The following USP37 variants were observed in gnomAD, a reference collection of about 807,000 sequenced individuals.
The protein encoded by USP37 is ubiquitin carboxyl-terminal hydrolase 37.
A neutral mutation model predicts 124.0 loss-of-function variants in USP37; 27 were observed. The ratio of observed to expected loss-of-function variants is 0.22; its 90% CI spans 0.16 to 0.30. The LOEUF is 0.30. Ranked by LOEUF, USP37 falls within the 10% of genes least tolerant of loss-of-function variation. USP37 has a pLI of 1.00. For missense variants in USP37, 889 were observed against 1,140.4 expected, an observed-to-expected ratio of 0.78 and a Z score of 3.17; for synonymous variants, 365 against 388.0, an observed-to-expected ratio of 0.94 and a Z score of 0.70.
At chr2:218,550,056 A>G in intron 5 of USP37, 147 bp from the exon 6 acceptor site, 2 of 539,964 alleles carry the variant, frequency 3.7e-6, no homozygotes. Flanking sequence ...CTATCAACCA[A>G]TTCTTTCTGA....
chr2:218,521,701 A>T (rs1047508030), intron 10 of USP37, among the ~76,000 whole-genome samples: 1 of 151,906 alleles, frequency 6.6e-6, no homozygotes, highest in African/African-American at 2.4e-5. Context: ...ATATTTGTTC[A>T]TTTTTTCCCC....
At chr2:218,466,990 CA>C (rs1276001610) in intron 20 of USP37, among the ~76,000 whole-genome samples, 1 of 152,126 alleles carries the variant, frequency 6.6e-6, no homozygotes, top group African/African-American at 2.4e-5. Flanking sequence ...CTTGGGCTCC[CA>C]AAATGCTGAG....
chr2:218,537,265 A>G (rs1691706029), intron 8 of USP37, among the ~76,000 whole-genome samples: 1 of 152,248 alleles, frequency 6.6e-6, no homozygotes, highest in Non-Finnish European at 1.5e-5. Flanking sequence ...ACAATGTGAC[A>G]GAAGTTAACA....
intron 17 of USP37, among the ~76,000 whole-genome samples, chr2:218,480,708 G>T (rs1191860886): frequency 6.6e-5 from 10 of 152,212 alleles, no homozygotes; most frequent in Non-Finnish European, 1.2e-4. Context: ...AGGAATCTGT[G>T]CAAGGTCTAA....
At chr2:218,502,214 A>G (rs1689426775) in intron 11 of USP37, among the ~76,000 whole-genome samples, 1 of 152,166 alleles carries the variant, frequency 6.6e-6, no homozygotes, top group African/African-American at 2.4e-5. Flanking sequence ...ACTACTTAAA[A>G]TATGCTCTAC....
chr2:218,457,856 C>T (rs1217407259), intron 23 of USP37, among the ~76,000 whole-genome samples: 3 of 151,394 alleles, frequency 2.0e-5, no homozygotes, highest in South Asian at 4.2e-4. Flanking sequence ...GACCATCCTG[C>T]CTAACACAGT....
intron 22 of USP37, among the ~76,000 whole-genome samples, chr2:218,462,147 A>C (rs138832129): frequency 0.026 from 3,988 of 152,140 alleles, 86 homozygotes; most frequent in Non-Finnish European, 0.038. Context: ...ACAAGAGTGA[A>C]ACTCTGTCTC....
intron 15 of USP37, chr2:218,486,325 T>A (rs1184231969): frequency 1.3e-5 from 2 of 152,252 alleles, no homozygotes; most frequent in Non-Finnish European, 2.9e-5. Context: ...AAGTCTATGA[T>A]AATAACAAGA....
intron 10 of USP37, 151 bp from the exon 11 acceptor site, chr2:218,510,291 C>T (rs1689903464): frequency 1.2e-6 from 1 of 827,254 alleles, no homozygotes; most frequent in Non-Finnish European, 1.8e-6. Flanking sequence ...GAAAACTCTA[C>T]AAACGTAAAT....
rs182183587 is a variant in USP37 at position 218,452,519 on chromosome 2, C to A, written c.*2411G>T. The A allele has an allele frequency of 6.6e-6, 1 of 152,088 alleles. No individual in the cohort carries two copies. Among genetic ancestry groups the A allele is most frequent in the Non-Finnish European group, 1.5e-5 (1 of 68,020 alleles). The allele number at this position is 152,088 out of a possible 1,614,324, so 9.4% of individuals were successfully genotyped here. On this transcript the variant is annotated 3_prime_UTR_variant, in exon 26 of 26. Coordinates refer to ENST00000258399, the MANE Select transcript of USP37 (RefSeq NM_020935.3). ...AGGAAGGAGAAGGCTGATAGGGCCA[C>A]AAGAATGGACAGACATCAAGTAAAA...
At chr2:218,565,081 C>A (rs1485583847) in intron 1 of USP37, among the ~76,000 whole-genome samples, 3 of 152,108 alleles carry the variant, frequency 2.0e-5, no homozygotes, top group African/African-American at 4.8e-5. Context: ...GCCACCAAAC[C>A]CGGCTAATTT....
Position 218,482,128 on chromosome 2 carries a change from GA to G in USP37, c.1776del (p.His593IlefsTer24). On this transcript the variant is annotated frameshift_variant, in exon 17 of 26. Transcript: ENST00000258399. LOFTEE classifies it high-confidence loss of function. The part of the protein sequence containing the change: ...VIIPRYLTLS[S>X]HCTENTKPPF... Reference sequence around the variant, plus strand: ...GGTGGTTTTGTATTTTCAGTGCAATGAGATGACAGGGTCAGGTATCTTGGAA... The same window carrying G: ...GGTGGTTTTGTATTTTCAGTGCAATGGATGACAGGGTCAGGTATCTTGGAA... 6.2e-7 allele frequency: 1 copy of G among 1,613,766 alleles called. No individual in the cohort carries two copies. The highest frequency in any genetic ancestry group is 2.2e-5 in the East Asian group (1 of 44,866).
At chr2:218,553,297 T>A (rs1012828683) in intron 5 of USP37, among the ~76,000 whole-genome samples, 1 of 152,218 alleles carries the variant, frequency 6.6e-6, no homozygotes, top group Admixed American at 6.5e-5. Context: ...TGAAAGAGTG[T>A]TGGATTTTGT....
intron 10 of USP37, among the ~76,000 whole-genome samples, chr2:218,512,718 T>G (rs1314604204): frequency 1.3e-5 from 2 of 152,190 alleles, no homozygotes; most frequent in Non-Finnish European, 2.9e-5. Flanking sequence ...ATCTAAAAGT[T>G]TTATCCCTTA....
intron 15 of USP37, 39 bp downstream of exon 15, chr2:218,488,265 A>G: frequency 7.5e-7 from 1 of 1,340,646 alleles, no homozygotes; most frequent in Non-Finnish European, 1.0e-6. Flanking sequence ...TCAATGATAT[A>G]AAATTTAGTT....
rs757109439 is a variant in USP37 at position 218,495,792 on chromosome 2, C to T, written c.1440G>A (p.Glu480=). 4 of 1,613,020 alleles carry T rather than the reference C, an allele frequency of 2.5e-6. No individual in the cohort carries two copies. In the South Asian group the frequency reaches 4.4e-5, roughly 18 times the overall value. The change falls in exon 14 of 26, where the codon GAG becomes GAA. Residue 480 remains glutamate (E), a synonymous_variant. Coordinates refer to ENST00000258399, the MANE Select transcript of USP37 (RefSeq NM_020935.3). Reference sequence around the variant, plus strand: ...AAATGATGGAGTGCTGAACCTCAAACTCCAAATTAGTAATAACAGGGCAAG... The same window carrying T: ...AAATGATGGAGTGCTGAACCTCAAATTCCAAATTAGTAATAACAGGGCAAG... ...AYTCPVITNL[E]FEVQHSIICK... is the part of the protein sequence containing the mutation.
At chr2:218,541,449 G>A (rs1484129481) in intron 8 of USP37, among the ~76,000 whole-genome samples, 2 of 152,130 alleles carry the variant, frequency 1.3e-5, no homozygotes, top group Admixed American at 6.5e-5. Context: ...TCAGTGATAA[G>A]CATAGCTCTC....
intron 20 of USP37, among the ~76,000 whole-genome samples, chr2:218,469,851 T>G (rs2106414623): frequency 7.2e-6 from 1 of 138,418 alleles, no homozygotes; most frequent in African/African-American, 2.7e-5. Flanking sequence ...GACAGAGTCT[T>G]GCTCTGTCGC....
intron 10 of USP37, among the ~76,000 whole-genome samples, chr2:218,517,631 G>A (rs1007266221): frequency 1.2e-4 from 19 of 152,162 alleles, no homozygotes; most frequent in South Asian, 4.2e-4. Flanking sequence ...GTTTTCTCCC[G>A]GTTGCTTTTG....
Sources: gnomAD v4.1 joint callset for allele counts (sites outside exome capture counted in the v4.1 genomes callset) on GRCh38, gnomAD v4.1.1 for gene constraint, MANE v1.5 for transcripts, NCBI Gene and HGNC (gene_info 2026-07-23, HGNC 2026-07-21) for gene names.